Variants in ACSF3 observed in about 807,000 individuals in gnomAD.
ACSF3 encodes acyl-CoA synthetase family member 3.
A neutral mutation model predicts 53.2 loss-of-function variants in ACSF3; 78 were observed. That is an observed-to-expected ratio of 1.47 (90% CI 1.22 to 1.77). The LOEUF (loss-of-function observed/expected upper bound fraction) is 1.77, where lower values mean the gene tolerates loss of function less well. Among genes scored for constraint, ACSF3 ranks in the 40% most tolerant of loss-of-function variants. The pLI, the probability that ACSF3 is intolerant of heterozygous loss-of-function variation, is 0.00. For synonymous variants in ACSF3, 414 were observed against 333.1 expected, an observed-to-expected ratio of 1.24 and a Z score of -2.65; for missense variants, 937 against 771.1, an observed-to-expected ratio of 1.22 and a Z score of -2.55.
chr16:89,101,417 G>T (rs1975326669), intron 3 of ACSF3, 70 bp downstream of exon 3: 1 of 1,546,862 alleles, frequency 6.5e-7, no homozygotes, highest in Middle Eastern at 2.2e-4. Context: ...CGGGCCAGAA[G>T]CACATCTTTT....
intron 7 of ACSF3, among the ~76,000 whole-genome samples, chr16:89,131,764 G>A (rs1204967321): frequency 6.6e-6 from 1 of 152,240 alleles, no homozygotes; most frequent in Admixed American, 6.5e-5. Context: ...GTCTGACCAC[G>A]TCAGTGGAGC....
rs748883934 is a variant in ACSF3 at position 89,100,872 on chromosome 16, G to A, written c.191G>A (p.Gly64Asp). ...GDRIALVDQH[G>D]RHTYRELYSR... is the part of the protein sequence containing the mutation. ...AGAATCGCCCTGGTTGACCAGCACGGCCGCCACACGTACAGGGAGCTTTAT... is the reference window on the plus strand; with the variant it reads ...AGAATCGCCCTGGTTGACCAGCACGACCGCCACACGTACAGGGAGCTTTAT... The change falls in exon 3 of 11, where the codon GGC becomes GAC. Residue 64 changes from glycine (G) to aspartate (D), a missense_variant. By Grantham distance (94) the Gly-to-Asp change is moderately conservative (BLOSUM62 -1). Transcript: ENST00000614302. 1.9e-6 allele frequency: 3 copies of A among 1,613,498 alleles called. No homozygotes were observed. The African/African-American group carries it at 4.0e-5, about 22-fold the overall frequency.
intron 9 of ACSF3, among the ~76,000 whole-genome samples, chr16:89,145,697 G>A (rs1912797678): frequency 6.6e-6 from 1 of 152,220 alleles, no homozygotes; most frequent in African/African-American, 2.4e-5. Context: ...AGAGAGCCAA[G>A]GGGCGGGAAG....
At chr16:89,130,189 C>G (rs192246058) in intron 7 of ACSF3, among the ~76,000 whole-genome samples, 1 of 152,328 alleles carries the variant, frequency 6.6e-6, no homozygotes, top group Admixed American at 6.5e-5. Flanking sequence ...TTTTCCTCAT[C>G]TAAGAATGTC....
chr16:89,102,919 C>T (rs144261038), intron 4 of ACSF3, among the ~76,000 whole-genome samples, 160 bp downstream of exon 4: 4 of 152,332 alleles, frequency 2.6e-5, no homozygotes, highest in African/African-American at 9.6e-5. Flanking sequence ...TCCTGGTGTG[C>T]AGTCGCCCCT....
At chr16:89,144,869 CAG>C (rs1410816175) in intron 8 of ACSF3, among the ~76,000 whole-genome samples, 3 of 152,244 alleles carry the variant, frequency 2.0e-5, no homozygotes, top group African/African-American at 7.2e-5. Context: ...GTCACAGAAA[CAG>C]GGCCTGAGCC....
rs144674022 is a variant in ACSF3, at chr16:89,155,344, C to G, written c.*1137C>G. On this transcript the variant is annotated 3_prime_UTR_variant, in exon 11 of 11. Coordinates refer to ENST00000614302, the MANE Select transcript of ACSF3 (RefSeq NM_001243279.3). ...GTGCCGGGCAGGAGGCCAGCCCCAT[C>G]TCAGGCTCACGTGCCTCTGACAGGA... The G allele has an allele frequency of 7.0e-4, 315 of 451,730 alleles. 1 individual carries two copies. The highest frequency in any genetic ancestry group is 5.9e-3 in the African/African-American group (295 of 49,976). 28.0% of individuals were successfully genotyped at this position (451,730 alleles called of 1,614,324 possible). A position where few individuals can be genotyped will look rare whatever the true frequency, so the allele number is the denominator to read the frequency against.
rs186475878 is a variant in ACSF3 at position 89,134,464 on chromosome 16, C to T, written c.1366+1202C>T. The stretch of plus-strand genomic sequence containing the variant: ...AGCACAGTGGACACCCTGCGGGATC[C>T]GGAGGAATAGAAGTCAGCGGCGGGT... On this transcript the variant is annotated intron_variant, in intron 8 of 10. Transcript: ENST00000614302. Among the ~76,000 whole-genome samples, 10 of 152,196 alleles carry T rather than the reference C, an allele frequency of 6.6e-5. 1 individual carries two copies. Among genetic ancestry groups the T allele is most frequent in the Admixed American group, 2.6e-4 (4 of 15,298 alleles).
Position 89,100,933 on chromosome 16 carries a change from G to A in ACSF3, c.252G>A (p.Arg84=). 3.7e-6 allele frequency: 6 copies of A among 1,613,850 alleles called. No individual in the cohort carries two copies. Among genetic ancestry groups the A allele is most frequent in the Non-Finnish European group, 5.1e-6 (6 of 1,180,038 alleles). ...TTCGCCTGTCCCAGGAGATCTGCAGGCTCTGCGGGTGTGTCGGCGGGGACC... is the reference window on the plus strand; with the variant it reads ...TTCGCCTGTCCCAGGAGATCTGCAGACTCTGCGGGTGTGTCGGCGGGGACC... ...RSLRLSQEIC[R]LCGCVGGDLR... The change falls in exon 3 of 11, where the codon AGG becomes AGA. Residue 84 remains arginine, a synonymous_variant. Coordinates refer to ENST00000614302, the MANE Select transcript of ACSF3 (RefSeq NM_001243279.3).
intron 8 of ACSF3, among the ~76,000 whole-genome samples, chr16:89,133,580 GC>G (rs1287610804): frequency 6.6e-6 from 1 of 152,168 alleles, no homozygotes; most frequent in Non-Finnish European, 1.5e-5. Flanking sequence ...CAGACGCCGG[GC>G]CCCACGCAGC....
At chr16:89,142,630 T>TA (rs2064715798) in intron 8 of ACSF3, among the ~76,000 whole-genome samples, 1 of 80,062 alleles carries the variant, frequency 1.2e-5, no homozygotes, top group African/African-American at 5.0e-5. Context: ...TGCAGACACC[T>TA]ACACCTGCAG....
intron 8 of ACSF3, among the ~76,000 whole-genome samples, chr16:89,143,894 C>A (rs887418612): frequency 6.6e-6 from 1 of 152,190 alleles, no homozygotes. Context: ...ATGGATGGGG[C>A]CTTTCTGCGT....
At chr16:89,124,218 T>G (rs1490175537) in intron 7 of ACSF3, among the ~76,000 whole-genome samples, 1 of 152,060 alleles carries the variant, frequency 6.6e-6, no homozygotes, top group Non-Finnish European at 1.5e-5. Context: ...AAAAAAGACC[T>G]GATGGAAACC....
rs761494200 is a variant in ACSF3, at chr16:89,101,195, CCAGCCAT to C, written c.516_522del (p.Ala173ThrfsTer5). 3 of 1,604,438 alleles carry C rather than the reference CCAGCCAT, an allele frequency of 1.9e-6. No individual in the cohort carries two copies. The Admixed American group carries it at 5.1e-5, about 28-fold the overall frequency. On this transcript the variant is annotated frameshift_variant, in exon 3 of 11. Transcript: ENST00000614302. LOFTEE classifies it high-confidence loss of function. Reference sequence around the variant, plus strand: ...GGGGGTCCCGCTGCTGCCGCTCACACCAGCCATCTACACTGGAGCAGTAGAGGAACCG... The same window carrying C: ...GGGGGTCCCGCTGCTGCCGCTCACACCTACACTGGAGCAGTAGAGGAACCG...
chr16:89,114,611 A>C, intron 6 of ACSF3, 124 bp downstream of exon 6: 1 of 1,434,472 alleles, frequency 7.0e-7, no homozygotes, highest in Non-Finnish European at 9.6e-7. Flanking sequence ...CCCGTGGGAC[A>C]GGCCACTCGG....
intron 8 of ACSF3, among the ~76,000 whole-genome samples, chr16:89,143,902 C>T (rs1230255519): frequency 3.9e-5 from 6 of 152,300 alleles, no homozygotes; most frequent in Admixed American, 3.3e-4. Context: ...GGCCTTTCTG[C>T]GTCCAACAGC....
At chr16:89,124,915 CTA>C (rs1402799939) in intron 7 of ACSF3, among the ~76,000 whole-genome samples, 1 of 152,276 alleles carries the variant, frequency 6.6e-6, no homozygotes, top group African/African-American at 2.4e-5. Flanking sequence ...TTCCCTTGAT[CTA>C]TGTTTCCATT....
At chr16:89,102,418 C>T in intron 3 of ACSF3, 186 bp from the exon 4 acceptor site, 1 of 679,660 alleles carries the variant, frequency 1.5e-6, no homozygotes, top group East Asian at 2.7e-5. Context: ...AGTGACCCAG[C>T]AGATCTGCTG....
chr16:89,131,451 C>T (rs1262356809), intron 7 of ACSF3, among the ~76,000 whole-genome samples: 3 of 152,122 alleles, frequency 2.0e-5, no homozygotes, highest in Non-Finnish European at 2.9e-5. Flanking sequence ...CAGATAATTC[C>T]AATAACTGTG....
Sources: allele counts gnomAD v4.1 joint callset (sites outside exome capture counted in the v4.1 genomes callset), GRCh38; gene constraint gnomAD v4.1.1; transcripts MANE v1.5; gene names NCBI Gene and HGNC (gene_info 2026-07-23, HGNC 2026-07-21).